TMEM52B: variants seen among roughly 807,000 people sequenced by gnomAD.
TMEM52B encodes transmembrane protein 52B, also known as chromosome 12 open reading frame 59.
In TMEM52B, 11 loss-of-function variants were observed where a neutral mutation model predicts 16.1. The ratio of observed to expected loss-of-function variants is 0.68; its 90% CI spans 0.43 to 1.13. The LOEUF (loss-of-function observed/expected upper bound fraction) is 1.13. Ranked by LOEUF, TMEM52B falls within the 50% of genes most tolerant of loss-of-function variation. The pLI, the probability that TMEM52B is intolerant of heterozygous loss-of-function variation, is 0.00. For missense variants in TMEM52B, 243 were observed against 230.4 expected (o/e 1.05, Z -0.35); for synonymous variants, 101 against 93.8 (o/e 1.08, Z -0.45).
intron 2 of TMEM52B, among the ~76,000 whole-genome samples, chr12:10,184,963 T>C (rs1419120770): frequency 6.6e-6 from 1 of 152,104 alleles, no homozygotes; most frequent in Non-Finnish European, 1.5e-5. Context: ...CTGCCAGCCT[T>C]AGCCTCCCAA....
At chr12:10,182,466 C>T (rs1233697465) in intron 1 of TMEM52B, 84 bp from the exon 2 acceptor site, 7 of 1,498,212 alleles carry the variant, frequency 4.7e-6, no homozygotes, top group African/African-American at 4.2e-5. Context: ...TCTAACACAG[C>T]ACAACCATGA....
intron 4 of TMEM52B, 33 bp from the exon 5 acceptor site, chr12:10,189,863 A>C: frequency 6.2e-7 from 1 of 1,607,362 alleles, no homozygotes; most frequent in Non-Finnish European, 8.5e-7. Context: ...TGTTTCCCTT[A>C]GTTTCTTAGC....
chr12:10,173,549 G>T (rs553517050), intron 1 of TMEM52B, among the ~76,000 whole-genome samples: 8 of 61,942 alleles, frequency 1.3e-4, no homozygotes, highest in Non-Finnish European at 2.0e-4. Context: ...GGAAGCTGAG[G>T]GGGGGGGTGG....
At chr12:10,172,790 T>G (rs1948734295) in intron 1 of TMEM52B, among the ~76,000 whole-genome samples, 1 of 152,168 alleles carries the variant, frequency 6.6e-6, no homozygotes. Flanking sequence ...TATGTCTTTG[T>G]CTGGAAATTA....
At chr12:10,172,219 AGGCTTTGCTTCATATTGG>A (rs1948728802) in intron 1 of TMEM52B, 3 of 614,944 alleles carry the variant, frequency 4.9e-6, no homozygotes, top group Non-Finnish European at 8.5e-6. Context: ...GAGGAAGGAG[AGGCTTTGCTTCATATTGG>A]GAAGTTCGCT....
rs752322505 is a variant in TMEM52B, at chr12:10,179,625, C to T, written c.51C>T (p.Ile17=). The part of the protein sequence containing the change: ...VVAASALLYF[I]LLSGTRCEEN... ...CGGCCTCAGCCCTGCTGTATTTCATCCTGGTGAGTTCAGTGGTGAAAAGGC... is the reference window on the plus strand; with the variant it reads ...CGGCCTCAGCCCTGCTGTATTTCATTCTGGTGAGTTCAGTGGTGAAAAGGC... The change falls in exon 1 of 5, where the codon ATC becomes ATT. Residue 17 remains isoleucine (I), a synonymous_variant. Transcript: ENST00000543484. 8.1e-6 allele frequency: 13 copies of T among 1,614,048 alleles called. No individual in the cohort carries two copies. Among genetic ancestry groups the T allele is most frequent in the Non-Finnish European group, 9.3e-6 (11 of 1,180,028 alleles).
chr12:10,183,206 A>T (rs527969462), intron 2 of TMEM52B, among the ~76,000 whole-genome samples: 1 of 152,354 alleles, frequency 6.6e-6, no homozygotes, highest in South Asian at 2.1e-4. Context: ...CGTGTTTAGG[A>T]TGAAGAAAAA....
upstream of TMEM52B, among the ~76,000 whole-genome samples, chr12:10,176,343 A>G (rs1948765377): frequency 6.6e-6 from 1 of 152,240 alleles, no homozygotes; most frequent in South Asian, 2.1e-4. Context: ...ATTCTAAGAA[A>G]GGAAAGTCAC....
At chr12:10,174,305 C>T (rs1235140997), upstream of TMEM52B, among the ~76,000 whole-genome samples, 6 of 152,110 alleles carry the variant, frequency 3.9e-5, no homozygotes, top group East Asian at 1.9e-4. Context: ...TCAAGTGATC[C>T]GCCTGCCTCA....
chr12:10,170,852 G>T lies in TMEM52B; in HGVS notation c.-95+1G>T, dbSNP rs1948709344. On this transcript the variant is annotated splice_donor_variant, in intron 1 of 5. Transcript: ENST00000381923. LOFTEE classifies it low-confidence loss of function (5UTR_SPLICE). ...AAATCACAGGACCCTGTGAAGGAAG[G>T]TATGTGTTCCCTTTTTCTATAGATT... 1 of 152,130 alleles carries T rather than the reference G, an allele frequency of 6.6e-6. No individual in the cohort carries two copies. Among genetic ancestry groups the T allele is most frequent in the Non-Finnish European group, 1.5e-5 (1 of 68,038 alleles). 9.4% of individuals were successfully genotyped at this position (152,130 alleles called of 1,614,324 possible).
At chr12:10,186,150 G>A (rs1405798592) in intron 3 of TMEM52B, among the ~76,000 whole-genome samples, 1 of 152,054 alleles carries the variant, frequency 6.6e-6, no homozygotes, top group Non-Finnish European at 1.5e-5. Context: ...GCAAGACTCT[G>A]TCTCAGAAAA....
At chr12:10,180,735 A>T (rs2137545327) in intron 1 of TMEM52B, among the ~76,000 whole-genome samples, 1 of 152,338 alleles carries the variant, frequency 6.6e-6, no homozygotes, top group South Asian at 2.1e-4. Context: ...TTCCTGAAAT[A>T]TCAGATCACT....
intron 1 of TMEM52B, among the ~76,000 whole-genome samples, chr12:10,181,584 T>C (rs1948823195): frequency 6.6e-6 from 1 of 151,596 alleles, no homozygotes; most frequent in Non-Finnish European, 1.5e-5. Context: ...CACCTTGGCC[T>C]CCCAAAGTGC....
intron 1 of TMEM52B, among the ~76,000 whole-genome samples, chr12:10,173,249 GAAGT>G (rs747352912): frequency 6.6e-6 from 1 of 152,028 alleles, no homozygotes; most frequent in African/African-American, 2.4e-5. Flanking sequence ...TCTTCTGAAG[GAAGT>G]ATTTATAAGC....
At chr12:10,175,287 T>G (rs1055798819), upstream of TMEM52B, 1 of 152,306 alleles carries the variant, frequency 6.6e-6, no homozygotes, top group South Asian at 2.1e-4. Flanking sequence ...TCTAGATTTT[T>G]AAAAGCAAGC....
intron 2 of TMEM52B, among the ~76,000 whole-genome samples, chr12:10,184,365 C>A (rs1948856389): frequency 6.6e-6 from 1 of 152,184 alleles, no homozygotes; most frequent in African/African-American, 2.4e-5. Flanking sequence ...AGTCAGGGAA[C>A]CCCCAATTTA....
Position 10,189,971 on chromosome 12 carries a change from TGCCCTCCTCTTTG to T in TMEM52B, c.385_397del (p.Pro129ThrfsTer12), listed in dbSNP as rs1483660874. 1 of 1,614,072 alleles carries T rather than the reference TGCCCTCCTCTTTG, an allele frequency of 6.2e-7. No individual in the cohort carries two copies. Among genetic ancestry groups the T allele is most frequent in the Non-Finnish European group, 8.5e-7 (1 of 1,180,048 alleles). On this transcript the variant is annotated frameshift_variant, in exon 5 of 5. Coordinates refer to ENST00000543484, the MANE Select transcript of TMEM52B (RefSeq NM_001384896.1). LOFTEE classifies it low-confidence loss of function (END_TRUNC). ...CACTCCCACAGCTCCCTGGGCCAGC[TGCCCTCCTCTTTG>T]GACACCCTCCCAGGGTATGAAGAAG...
chr12:10,187,426 C>G (rs1948893890), intron 4 of TMEM52B, among the ~76,000 whole-genome samples: 2 of 146,880 alleles, frequency 1.4e-5, no homozygotes, highest in Non-Finnish European at 1.5e-5. Flanking sequence ...TTTTTTGACA[C>G]GGAGTCTCCC....
chr12:10,180,084 C>T (rs1052037106), intron 1 of TMEM52B, among the ~76,000 whole-genome samples: 1 of 152,058 alleles, frequency 6.6e-6, no homozygotes, highest in African/African-American at 2.4e-5. Flanking sequence ...ATATTTTGGG[C>T]CCCACAATGA....
Sources: allele counts gnomAD v4.1 joint callset (sites outside exome capture counted in the v4.1 genomes callset), GRCh38; gene constraint gnomAD v4.1.1; transcripts MANE v1.5; gene names NCBI Gene and HGNC (gene_info 2026-07-23, HGNC 2026-07-21).